The following NLK variants were observed in gnomAD, a reference collection of about 807,000 sequenced individuals.
NLK encodes the protein serine/threonine-protein kinase NLK.
NLK carries 11 observed loss-of-function variants against 59.0 expected under a neutral mutation model. That is an observed-to-expected ratio of 0.19 (90% CI 0.12 to 0.31). The LOEUF is 0.31. Ranked by LOEUF, NLK falls within the 10% of genes least tolerant of loss-of-function variation. NLK has a pLI of 1.00. For missense variants in NLK, 410 were observed against 661.1 expected (o/e 0.62, Z 4.16); for synonymous variants, 235 against 235.9 (o/e 1.00, Z 0.03).
Position 28,093,433 on chromosome 17 carries a change from TC to T in NLK, c.459-29166del, listed in dbSNP as rs1904581430. 4.6e-5 allele frequency among the ~76,000 whole-genome samples: 7 copies of T among 152,198 alleles called. No homozygotes were observed. In the South Asian group the frequency reaches 1.5e-3, roughly 32 times the overall value. On this transcript the variant is annotated intron_variant, in intron 1 of 10. Transcript: ENST00000407008. ...CTCCCTCGGTATCTTAACTACATAT[TC>T]CCCTTACTCCATAGGCATTCCAAGA...
At chr17:28,131,812 CTT>C (rs1403888144) in intron 2 of NLK, among the ~76,000 whole-genome samples, 1 of 152,020 alleles carries the variant, frequency 6.6e-6, no homozygotes, top group African/African-American at 2.4e-5. Context: ...GTCGTAAAGT[CTT>C]TTTTCCTCAC....
At chr17:28,168,735 G>T in intron 6 of NLK, 78 bp downstream of exon 6, 1 of 1,136,816 alleles carries the variant, frequency 8.8e-7, no homozygotes, top group Non-Finnish European at 1.3e-6. Flanking sequence ...ATGTGTCTTG[G>T]GCTTATTCAT....
At chr17:28,133,694 AT>A (rs1272679457) in intron 3 of NLK, among the ~76,000 whole-genome samples, 1 of 152,184 alleles carries the variant, frequency 6.6e-6, no homozygotes, top group Non-Finnish European at 1.5e-5. Flanking sequence ...TAAGTCATTG[AT>A]TTTGGTAAGC....
chr17:28,088,788 A>G (rs1007142632), intron 1 of NLK, among the ~76,000 whole-genome samples: 1 of 152,084 alleles, frequency 6.6e-6, no homozygotes, highest in Admixed American at 6.5e-5. Flanking sequence ...CCATTTCTCC[A>G]AGGTTCCCTT....
chr17:28,044,007 T>C (rs1460416712), intron 1 of NLK, among the ~76,000 whole-genome samples: 1 of 152,186 alleles, frequency 6.6e-6, no homozygotes, highest in Non-Finnish European at 1.5e-5. Flanking sequence ...TTCAGTGTAA[T>C]GTTTTAGTGT....
intron 10 of NLK, among the ~76,000 whole-genome samples, chr17:28,193,414 G>C (rs930886468): frequency 6.6e-6 from 1 of 152,098 alleles, no homozygotes; most frequent in Non-Finnish European, 1.5e-5. Context: ...AGGAGAGTTC[G>C]GGTGGACCAA....
At chr17:28,080,522 A>C (rs1910309268) in intron 1 of NLK, among the ~76,000 whole-genome samples, 1 of 152,174 alleles carries the variant, frequency 6.6e-6, no homozygotes, top group Non-Finnish European at 1.5e-5. Flanking sequence ...AATTACTTAA[A>C]TTTACTGTAA....
At chr17:28,087,488 C>T (rs1342960459) in intron 1 of NLK, among the ~76,000 whole-genome samples, 2 of 152,070 alleles carry the variant, frequency 1.3e-5, no homozygotes, top group Non-Finnish European at 2.9e-5. Flanking sequence ...GGATGTAAAT[C>T]AGAATAGAAG....
chr17:28,113,236 G>C (rs1337047866), intron 1 of NLK, among the ~76,000 whole-genome samples: 1 of 152,176 alleles, frequency 6.6e-6, no homozygotes, highest in Non-Finnish European at 1.5e-5. Flanking sequence ...CACCATTCAA[G>C]TGAGATACAG....
intron 1 of NLK, among the ~76,000 whole-genome samples, chr17:28,114,657 A>G (rs1232796871): frequency 3.3e-5 from 5 of 152,208 alleles, no homozygotes; most frequent in East Asian, 1.9e-4. Flanking sequence ...TCTATACGTT[A>G]TCTTCTAAAA....
At chr17:28,066,382 G>T (rs1307287950) in intron 1 of NLK, among the ~76,000 whole-genome samples, 6 of 152,130 alleles carry the variant, frequency 3.9e-5, no homozygotes, top group African/African-American at 1.4e-4. Flanking sequence ...ACAAATACAT[G>T]ACCTGTTATT....
intron 1 of NLK, among the ~76,000 whole-genome samples, chr17:28,093,523 G>A (rs1904585889): frequency 6.6e-6 from 1 of 152,186 alleles, no homozygotes. Flanking sequence ...TCCTTGGAAG[G>A]TATGGTGGGA....
chr17:28,133,490 A>C (rs1328122159), intron 3 of NLK, among the ~76,000 whole-genome samples: 3 of 152,224 alleles, frequency 2.0e-5, no homozygotes, highest in Non-Finnish European at 4.4e-5. Context: ...ATAATGAACT[A>C]TAAAATAATG....
intron 2 of NLK, among the ~76,000 whole-genome samples, chr17:28,131,579 T>C (rs1038607042): frequency 7.6e-6 from 1 of 131,524 alleles, no homozygotes; most frequent in African/African-American, 2.9e-5. Context: ...TTTGAAGTTC[T>C]CTGTAGTAAA....
At chr17:28,095,477 T>TG (rs1904668357) in intron 1 of NLK, among the ~76,000 whole-genome samples, 1 of 152,184 alleles carries the variant, frequency 6.6e-6, no homozygotes, top group South Asian at 2.1e-4. Flanking sequence ...ATTCAGAGCT[T>TG]GTGGGAAAAG....
chr17:28,103,344 T>A (rs1272577079), intron 1 of NLK, among the ~76,000 whole-genome samples: 3 of 152,208 alleles, frequency 2.0e-5, no homozygotes, highest in African/African-American at 7.2e-5. Context: ...ACTCAAACTT[T>A]CTAAGATTGT....
intron 3 of NLK, among the ~76,000 whole-genome samples, chr17:28,140,236 A>T (rs986675560): frequency 6.6e-6 from 1 of 152,164 alleles, no homozygotes; most frequent in Non-Finnish European, 1.5e-5. Context: ...TTCAGTTGAC[A>T]TTGGGCCCCA....
intron 3 of NLK, among the ~76,000 whole-genome samples, chr17:28,136,292 T>G (rs1906742449): frequency 6.6e-6 from 1 of 152,220 alleles, no homozygotes; most frequent in Non-Finnish European, 1.5e-5. Flanking sequence ...TCAGTAGTCT[T>G]CTGTTTTCTG....
chr17:28,155,531 C>T (rs773959961), intron 3 of NLK, among the ~76,000 whole-genome samples: 8 of 152,134 alleles, frequency 5.3e-5, no homozygotes, highest in Non-Finnish European at 7.4e-5. Flanking sequence ...GGAACCAACC[C>T]AATGTCCATC....
Sources: gnomAD v4.1 joint callset for allele counts (sites outside exome capture counted in the v4.1 genomes callset) on GRCh38, gnomAD v4.1.1 for gene constraint, MANE v1.5 for transcripts, NCBI Gene and HGNC (gene_info 2026-07-23, HGNC 2026-07-21) for gene names.